The following SGPP2 variants were observed in gnomAD, a reference collection of about 807,000 sequenced individuals.
The protein encoded by SGPP2 is sphingosine 1-phosphate phosphohydrolase 2.
A neutral mutation model predicts 33.9 loss-of-function variants in SGPP2; 30 were observed. The ratio of observed to expected loss-of-function variants is 0.89; its 90% confidence interval spans 0.66 to 1.20. The LOEUF (loss-of-function observed/expected upper bound fraction) is 1.20. Ranked by LOEUF, SGPP2 falls within the 50% of genes most tolerant of loss-of-function variation. The pLI, the probability that SGPP2 is intolerant of heterozygous loss-of-function variation, is 0.00. For missense variants in SGPP2, 458 were observed against 532.1 expected (o/e 0.86, Z 1.37); for synonymous variants, 233 against 225.0 (o/e 1.04, Z -0.32).
intron 2 of SGPP2, among the ~76,000 whole-genome samples, chr2:222,495,976 G>A (rs1448678317): frequency 6.6e-6 from 1 of 152,102 alleles, no homozygotes; most frequent in Non-Finnish European, 1.5e-5. Flanking sequence ...GTTCTCCTGA[G>A]CCTTGTTCAT....
chr2:222,472,980 C>T (rs1697870793), intron 1 of SGPP2, among the ~76,000 whole-genome samples: 1 of 152,140 alleles, frequency 6.6e-6, no homozygotes, highest in African/African-American at 2.4e-5. Flanking sequence ...TGCCATTGCA[C>T]TCCAGCCTGG....
rs185259450 is a variant in SGPP2 at position 222,530,019 on chromosome 2, G to A, written c.648+4986G>A. The stretch of plus-strand genomic sequence containing the variant: ...TACATCTTGTACATCTCCATCTTAG[G>A]TGACCAGGTGTATTGTCCATGAGCA... On this transcript the variant is annotated intron_variant, in intron 4 of 4. Coordinates refer to ENST00000321276, the MANE Select transcript of SGPP2 (RefSeq NM_152386.4). Among the ~76,000 whole-genome samples the A allele has an allele frequency of 1.9e-3, 293 of 152,312 alleles. 11 individuals carry two copies. The highest frequency in any genetic ancestry group is 0.017 in the Admixed American group (258 of 15,302).
rs1420286604 is a variant in SGPP2, at chr2:222,465,278, A to G, written c.220-9290A>G. 2.6e-5 allele frequency among the ~76,000 whole-genome samples: 4 copies of G among 152,180 alleles called. No individual in the cohort carries two copies. Among genetic ancestry groups the G allele is most frequent in the Non-Finnish European group, 5.9e-5 (4 of 68,032 alleles). On this transcript the variant is annotated intron_variant, in intron 1 of 4. Coordinates refer to ENST00000321276, the MANE Select transcript of SGPP2 (RefSeq NM_152386.4). The surrounding 1 kb of genome is among the most constrained non-coding windows in gnomAD (Gnocchi z 4.1). ...GCTAGATCACCCAACTTGTAATTCT[A>G]TCTGGACTTGAAGATGAAAGAAGAA...
intron 4 of SGPP2, among the ~76,000 whole-genome samples, chr2:222,551,711 G>A (rs1434372043): frequency 1.3e-5 from 2 of 152,098 alleles, no homozygotes; most frequent in African/African-American, 4.8e-5. Flanking sequence ...AACCAAAATA[G>A]TCTAGTCTCC....
intron 1 of SGPP2, among the ~76,000 whole-genome samples, chr2:222,445,163 A>G (rs184502351): frequency 6.6e-6 from 1 of 152,250 alleles, no homozygotes; most frequent in East Asian, 1.9e-4. Context: ...TGCTGCTGGA[A>G]CCTGGCCTTG....
At chr2:222,429,054 A>G (rs1393675252) in intron 1 of SGPP2, among the ~76,000 whole-genome samples, 1 of 152,024 alleles carries the variant, frequency 6.6e-6, no homozygotes, top group East Asian at 1.9e-4. Flanking sequence ...AGCCTCCCAA[A>G]GTGCTGGGAT....
intron 2 of SGPP2, among the ~76,000 whole-genome samples, chr2:222,489,092 G>T (rs1050088066): frequency 6.6e-6 from 1 of 152,170 alleles, no homozygotes; most frequent in Non-Finnish European, 1.5e-5. Context: ...ATGAGTAAGA[G>T]AGTTGATTTG....
At chr2:222,549,012 TGCTTGCCTACAAAGCA>T (rs1271522559) in intron 4 of SGPP2, among the ~76,000 whole-genome samples, 1 of 152,260 alleles carries the variant, frequency 6.6e-6, no homozygotes, top group Non-Finnish European at 1.5e-5. Flanking sequence ...TGTCAGTGTC[TGCTTGCCTACAAAGCA>T]TTCGCAGCAT....
intron 4 of SGPP2, among the ~76,000 whole-genome samples, chr2:222,532,107 T>G (rs1395938018): frequency 6.6e-6 from 1 of 152,040 alleles, no homozygotes; most frequent in African/African-American, 2.4e-5. Context: ...ACCCCATCTC[T>G]ACTAAAAATA....
At chr2:222,482,893 T>G (rs1698049451) in intron 2 of SGPP2, among the ~76,000 whole-genome samples, 1 of 152,198 alleles carries the variant, frequency 6.6e-6, no homozygotes. Flanking sequence ...GAAACCTTCT[T>G]CAAGGAACTT....
intron 2 of SGPP2, among the ~76,000 whole-genome samples, chr2:222,518,470 C>T (rs1438613830): frequency 1.3e-5 from 2 of 152,178 alleles, no homozygotes; most frequent in African/African-American, 4.8e-5. Flanking sequence ...TTTGAGGGAA[C>T]TAGCATTAGT....
rs1395418923 is a variant in SGPP2, at chr2:222,460,403, A to G, written c.220-14165A>G. On this transcript the variant is annotated intron_variant, in intron 1 of 4. Coordinates refer to ENST00000321276, the MANE Select transcript of SGPP2 (RefSeq NM_152386.4). This position sits in a 1 kb window ranked among gnomAD's most constrained non-coding sequence, Gnocchi z 4.3. ...GGATGGCAGAGGCTGGGTTGTGTAT[A>G]AAACCCCTGAGAACACGACATAAGC... is the stretch of plus-strand genomic sequence containing the variant. Among the ~76,000 whole-genome samples the G allele has an allele frequency of 6.6e-6, 1 of 152,188 alleles. No homozygotes were observed. The highest frequency in any genetic ancestry group is 1.5e-5 in the Non-Finnish European group (1 of 68,038).
chr2:222,555,430 T>C lies in SGPP2; in HGVS notation c.649-2917T>C, dbSNP rs1312275189. ...TTGTATTTCCTTTTCTGTTAGCTGCTCATTTCTTTTATCCGTTTTTTTTTT... is the reference window on the plus strand; with the variant it reads ...TTGTATTTCCTTTTCTGTTAGCTGCCCATTTCTTTTATCCGTTTTTTTTTT... On this transcript the variant is annotated intron_variant, in intron 4 of 4. Coordinates refer to ENST00000321276, the MANE Select transcript of SGPP2 (RefSeq NM_152386.4). Among the ~76,000 whole-genome samples the C allele has an allele frequency of 2.0e-5, 3 of 149,186 alleles. No homozygotes were observed. The East Asian group carries it at 6.0e-4, about 30-fold the overall frequency.
chr2:222,463,053 A>C (rs1697689387), intron 1 of SGPP2, among the ~76,000 whole-genome samples: 1 of 152,222 alleles, frequency 6.6e-6, no homozygotes. Context: ...CTACAGTGTG[A>C]AAATGTGACG....
intron 1 of SGPP2, among the ~76,000 whole-genome samples, chr2:222,470,913 C>T (rs1016300036): frequency 1.3e-5 from 2 of 152,226 alleles, no homozygotes; most frequent in African/African-American, 4.8e-5. Flanking sequence ...TTACCTCAGG[C>T]AGTTCATGAT....
intron 2 of SGPP2, among the ~76,000 whole-genome samples, chr2:222,481,309 A>T (rs537082590): frequency 6.6e-6 from 1 of 152,358 alleles, no homozygotes; most frequent in East Asian, 1.9e-4. Flanking sequence ...ATAATTAGTG[A>T]AGATGAAAAC....
intron 1 of SGPP2, among the ~76,000 whole-genome samples, chr2:222,450,771 ACC>A (rs1697473878): frequency 6.6e-6 from 1 of 152,154 alleles, no homozygotes; most frequent in African/African-American, 2.4e-5. Context: ...GGGGGTTGGT[ACC>A]AAACCTTTGC....
intron 1 of SGPP2, among the ~76,000 whole-genome samples, chr2:222,434,721 T>A (rs1559142490): frequency 6.6e-6 from 1 of 152,100 alleles, no homozygotes; most frequent in Non-Finnish European, 1.5e-5. Flanking sequence ...TATGAAAAAC[T>A]GCCCATCAAA....
chr2:222,494,298 T>G (rs899425662), intron 2 of SGPP2, among the ~76,000 whole-genome samples: 1 of 152,256 alleles, frequency 6.6e-6, no homozygotes, highest in Non-Finnish European at 1.5e-5. Context: ...AAAAAATCCT[T>G]AAGCTAAATT....
Sources: allele counts gnomAD v4.1 joint callset (sites outside exome capture counted in the v4.1 genomes callset), GRCh38; gene constraint gnomAD v4.1.1; non-coding constraint Gnocchi (gnomAD v3.1); transcripts MANE v1.5; gene names NCBI Gene and HGNC (gene_info 2026-07-23, HGNC 2026-07-21).